Variants in HPSE2 observed in about 807,000 individuals in gnomAD.
The protein encoded by HPSE2 is inactive heparanase-2.
A neutral mutation model predicts 60.5 loss-of-function variants in HPSE2; 38 were observed. The observed-to-expected ratio is 0.63, with a 90% CI of 0.48 to 0.82. The LOEUF (loss-of-function observed/expected upper bound fraction) is 0.82, where lower values mean the gene tolerates loss of function less well. HPSE2 is among the 40% of genes least tolerant of loss of function. The pLI, the probability that HPSE2 is intolerant of heterozygous loss-of-function variation, is 0.00. For synonymous variants in HPSE2, 295 were observed against 293.2 expected, an observed-to-expected ratio of 1.01 and a Z score of -0.06; for missense variants, 713 against 740.4, an observed-to-expected ratio of 0.96 and a Z score of 0.43.
At chr10:99,256,225 G>C in the HPSE2 span, among the ~76,000 whole-genome samples, 146 of 150,070 alleles carry the variant, frequency 9.7e-4, no homozygotes, top group Admixed American at 9.1e-3. Flanking sequence ...CAATAGTGTT[G>C]GGATGTGCAG....
intron 3 of HPSE2, among the ~76,000 whole-genome samples, chr10:98,860,974 T>C (rs535612632): frequency 1.3e-3 from 200 of 152,254 alleles, no homozygotes; most frequent in South Asian, 3.9e-3. Flanking sequence ...ATACAATCCA[T>C]TACATCATAC....
intron 7 of HPSE2, among the ~76,000 whole-genome samples, chr10:98,639,301 C>A (rs1445647689): frequency 6.6e-6 from 1 of 152,188 alleles, no homozygotes; most frequent in Non-Finnish European, 1.5e-5. Context: ...CTGACCCATA[C>A]AATGCATTGG....
intron 3 of HPSE2, among the ~76,000 whole-genome samples, chr10:99,117,192 CTAAATTAATTAATTAATAAAT>C (rs1176110593): frequency 6.6e-6 from 1 of 150,608 alleles, no homozygotes; most frequent in South Asian, 2.1e-4. Context: ...ATAAACAATT[CTAAATTAATTAATTAATAAAT>C]TAAATTAATC....
intron 3 of HPSE2, among the ~76,000 whole-genome samples, chr10:98,999,538 A>G (rs1352686632): frequency 6.6e-6 from 1 of 152,144 alleles, no homozygotes; most frequent in East Asian, 1.9e-4. Context: ...TTTTCTTCCC[A>G]TGCACCATGC....
Position 98,830,024 on chromosome 10 carries a change from G to A in HPSE2, c.611-85968C>T, listed in dbSNP as rs7896730. Among the ~76,000 whole-genome samples the A allele has an allele frequency of 8.6e-3, 1,311 of 152,272 alleles. 15 individuals carry two copies. The highest frequency in any genetic ancestry group is 0.029 in the African/African-American group (1,211 of 41,558). On this transcript the variant is annotated intron_variant, in intron 3 of 11. Coordinates refer to ENST00000370552, the MANE Select transcript of HPSE2 (RefSeq NM_021828.5). ...CACCAACCAACAGGCCCTGGTGTGT[G>A]TTGTTCACTAATGGGGATTTTTAAA...
At chr10:98,933,677 G>A (rs764720087) in intron 3 of HPSE2, among the ~76,000 whole-genome samples, 4 of 142,866 alleles carry the variant, frequency 2.8e-5, no homozygotes, top group South Asian at 4.3e-4. Context: ...TTAGCTCTTC[G>A]TGTTGAATTG....
At chr10:98,772,847 G>C (rs1950268384) in intron 3 of HPSE2, among the ~76,000 whole-genome samples, 1 of 152,178 alleles carries the variant, frequency 6.6e-6, no homozygotes, top group South Asian at 2.1e-4. Flanking sequence ...ATGTTGATAT[G>C]AGAGTTATTG....
chr10:98,616,659 T>A (rs1450031651), intron 8 of HPSE2, among the ~76,000 whole-genome samples: 2 of 152,200 alleles, frequency 1.3e-5, no homozygotes, highest in Non-Finnish European at 2.9e-5. Context: ...CAATTAGAGT[T>A]ATAAAAATAA....
the HPSE2 span, among the ~76,000 whole-genome samples, chr10:99,254,445 C>T: frequency 6.6e-6 from 1 of 152,094 alleles, no homozygotes; most frequent in African/African-American, 2.4e-5. Flanking sequence ...GGTTACTATT[C>T]TCAGTACCTG....
chr10:98,886,144 T>C (rs1953158244), intron 3 of HPSE2, among the ~76,000 whole-genome samples: 1 of 152,082 alleles, frequency 6.6e-6, no homozygotes, highest in Admixed American at 6.6e-5. Flanking sequence ...TATGAGGTCT[T>C]AGTTCACCTC....
chr10:99,051,999 C>T (rs954992521), intron 3 of HPSE2, among the ~76,000 whole-genome samples: 68 of 150,512 alleles, frequency 4.5e-4, no homozygotes, highest in African/African-American at 1.6e-3. Flanking sequence ...CCAGATTCTC[C>T]AGGGTATATC....
At chr10:98,696,426 G>A (rs1249408601) in intron 5 of HPSE2, among the ~76,000 whole-genome samples, 1 of 151,518 alleles carries the variant, frequency 6.6e-6, no homozygotes, top group Non-Finnish European at 1.5e-5. Flanking sequence ...AGAGCAGTGT[G>A]GTGCTGCAGC....
intron 3 of HPSE2, among the ~76,000 whole-genome samples, chr10:98,839,503 A>G (rs1951863337): frequency 6.6e-6 from 1 of 152,242 alleles, no homozygotes; most frequent in Non-Finnish European, 1.5e-5. Context: ...AAGAAAGGGG[A>G]TACAAAGATA....
intron 2 of HPSE2, among the ~76,000 whole-genome samples, chr10:99,227,900 CAT>C (rs61242355): frequency 2.4e-4 from 34 of 139,950 alleles, no homozygotes; most frequent in South Asian, 4.5e-4. Context: ...TGTGTATATA[CAT>C]ATATATATAT....
At chr10:99,199,036 C>G (rs986252689) in intron 2 of HPSE2, among the ~76,000 whole-genome samples, 4 of 152,264 alleles carry the variant, frequency 2.6e-5, no homozygotes, top group Admixed American at 2.0e-4. Flanking sequence ...CTTTTTAACG[C>G]TGAATAATAT....
At chr10:98,907,804 T>A (rs1215771439) in intron 3 of HPSE2, among the ~76,000 whole-genome samples, 1 of 151,592 alleles carries the variant, frequency 6.6e-6, no homozygotes, top group Non-Finnish European at 1.5e-5. Flanking sequence ...ACATGAGATA[T>A]GGTATAAAAG....
rs751491579 is a variant in HPSE2 at position 99,169,192 on chromosome 10, C to CAA, written c.449-24795_449-24794dup. 1.1e-3 allele frequency among the ~76,000 whole-genome samples: 58 copies of CAA among 50,478 alleles called. 2 individuals are homozygous for CAA. Among genetic ancestry groups the CAA allele is most frequent in the African/African-American group, 2.2e-3 (28 of 12,602 alleles). The allele number at this position is 50,478 out of a possible 152,430, so 33.1% of individuals were successfully genotyped here. A position where few individuals can be genotyped will look rare whatever the true frequency, so the allele number is the denominator to read the frequency against. On this transcript the variant is annotated intron_variant, in intron 2 of 11. Coordinates refer to ENST00000370552, the MANE Select transcript of HPSE2 (RefSeq NM_021828.5). ...TAGGCGACAGAGCAAGACTCCGTCT[C>CAA]AAAAAAAAAAAAAAAAAAAAGTCCT... is the stretch of plus-strand genomic sequence containing the variant.
intron 2 of HPSE2, among the ~76,000 whole-genome samples, chr10:99,190,551 C>A (rs1307365388): frequency 2.0e-5 from 3 of 152,168 alleles, no homozygotes; most frequent in Non-Finnish European, 2.9e-5. Flanking sequence ...AATCCAGCAT[C>A]CTTAACTGCT....
chr10:99,300,306 G>A, the HPSE2 span, among the ~76,000 whole-genome samples: 4 of 152,104 alleles, frequency 2.6e-5, no homozygotes, highest in African/African-American at 7.2e-5. Context: ...GAGGCCCAAG[G>A]TCCTCTACGG....
Sources: gnomAD v4.1 joint callset for allele counts (sites outside exome capture counted in the v4.1 genomes callset) on GRCh38, gnomAD v4.1.1 for gene constraint, MANE v1.5 for transcripts, NCBI Gene and HGNC (gene_info 2026-07-23, HGNC 2026-07-21) for gene names.